ACOXL: variants seen among roughly 807,000 people sequenced by gnomAD.
The protein encoded by ACOXL is acyl-coenzyme A oxidase-like protein.
In ACOXL, 70 loss-of-function variants were observed where a neutral mutation model predicts 71.9. The observed-to-expected ratio is 0.97, with a 90% CI of 0.80 to 1.19. The LOEUF is 1.19. Ranked by LOEUF, ACOXL falls within the 50% of genes most tolerant of loss-of-function variation. The pLI is 0.00. For synonymous variants in ACOXL, 253 were observed against 281.6 expected (o/e 0.90, Z 1.02); for missense variants, 703 against 736.3 (o/e 0.95, Z 0.52).
intron 13 of ACOXL, among the ~76,000 whole-genome samples, chr2:110,994,835 C>G (rs2063319704): frequency 6.6e-6 from 1 of 152,126 alleles, no homozygotes; most frequent in Non-Finnish European, 1.5e-5. Context: ...TCACTTCCCT[C>G]CAGGGTGCCT....
chr2:111,006,814 C>T (rs2063899300), intron 14 of ACOXL, among the ~76,000 whole-genome samples: 1 of 152,122 alleles, frequency 6.6e-6, no homozygotes, highest in African/African-American at 2.4e-5. Context: ...CCTCCTCAGC[C>T]TCCCAAAGTG....
chr2:110,791,474 T>G (rs973229164), intron 3 of ACOXL, among the ~76,000 whole-genome samples: 3 of 152,226 alleles, frequency 2.0e-5, no homozygotes, highest in African/African-American at 7.2e-5. Context: ...GAAAAATATT[T>G]TTTTAAACTT....
intron 17 of ACOXL, among the ~76,000 whole-genome samples, chr2:111,097,197 T>TTCAAA (rs2068852074): frequency 6.6e-6 from 1 of 152,250 alleles, no homozygotes; most frequent in Non-Finnish European, 1.5e-5. Flanking sequence ...CTGTATTTTC[T>TTCAAA]TCAAATATTT....
intron 14 of ACOXL, among the ~76,000 whole-genome samples, chr2:111,030,794 A>C (rs1412655289): frequency 6.6e-6 from 1 of 152,132 alleles, no homozygotes; most frequent in Non-Finnish European, 1.5e-5. Context: ...AAAGAAAGTC[A>C]AGAAGGAACA....
intron 16 of ACOXL, among the ~76,000 whole-genome samples, chr2:111,082,783 C>T (rs527414884): frequency 4.6e-5 from 7 of 152,212 alleles, no homozygotes; most frequent in African/African-American, 1.7e-4. Context: ...TGGAACCAAC[C>T]CAAATGCCCA....
intron 1 of ACOXL, among the ~76,000 whole-genome samples, chr2:110,759,526 A>G (rs1035630155): frequency 2.6e-5 from 4 of 152,094 alleles, no homozygotes; most frequent in African/African-American, 9.7e-5. Context: ...TTTGCTCGGT[A>G]AATTTTTCTT....
At chr2:110,938,314 C>T (rs746607795) in intron 12 of ACOXL, among the ~76,000 whole-genome samples, 12 of 152,084 alleles carry the variant, frequency 7.9e-5, no homozygotes, top group East Asian at 1.9e-4. Context: ...AGGGAAAAAG[C>T]GGGAACCAGA....
At position 111,095,177 on chromosome 2, in the gene ACOXL, A is replaced by G. The variant is rs565536943; in HGVS notation, c.1542+2211A>G. ...CTATCTTTGAAGACTATTTCCCACA[A>G]AGAGAGTGCCCACTTTGGGAAGATG... On this transcript the variant is annotated intron_variant, in intron 17 of 17. Coordinates refer to ENST00000439055, the MANE Select transcript of ACOXL (RefSeq NM_001142807.4). Among the ~76,000 whole-genome samples the G allele has an allele frequency of 4.6e-5, 7 of 151,806 alleles. No individual in the cohort carries two copies. The South Asian group carries it at 1.5e-3, about 32-fold the overall frequency.
chr2:110,959,256 A>G (rs1443399041), intron 12 of ACOXL, among the ~76,000 whole-genome samples: 1 of 152,154 alleles, frequency 6.6e-6, no homozygotes, highest in South Asian at 2.1e-4. Flanking sequence ...GCCCTGCACC[A>G]TGAACCCCAG....
intron 12 of ACOXL, among the ~76,000 whole-genome samples, chr2:110,962,136 C>T (rs2149450450): frequency 6.6e-6 from 1 of 152,316 alleles, no homozygotes; most frequent in African/African-American, 2.4e-5. Context: ...GCCTTCTTCA[C>T]AGGGCTGTTG....
chr2:110,956,971 G>A (rs2061524633), intron 12 of ACOXL, among the ~76,000 whole-genome samples: 1 of 152,178 alleles, frequency 6.6e-6, no homozygotes, highest in African/African-American at 2.4e-5. Flanking sequence ...TACCGAGTGA[G>A]CTCTTGCTTC....
At chr2:110,740,140 C>T (rs1677336829) in intron 1 of ACOXL, among the ~76,000 whole-genome samples, 1 of 152,198 alleles carries the variant, frequency 6.6e-6, no homozygotes, top group Non-Finnish European at 1.5e-5. Flanking sequence ...AGGGAGTACC[C>T]TCGTATTCAT....
chr2:110,937,936 C>T (rs541557882), intron 12 of ACOXL, among the ~76,000 whole-genome samples: 1 of 152,286 alleles, frequency 6.6e-6, no homozygotes, highest in East Asian at 1.9e-4. Flanking sequence ...CACATAGACT[C>T]AGGAAGTAGG....
At chr2:110,919,126 G>A (rs2059971147) in intron 11 of ACOXL, among the ~76,000 whole-genome samples, 1 of 151,968 alleles carries the variant, frequency 6.6e-6, no homozygotes, top group Non-Finnish European at 1.5e-5. Context: ...GTTACAGCAT[G>A]TTCACAATAT....
At chr2:110,828,426 C>T (rs778541744) in intron 9 of ACOXL, among the ~76,000 whole-genome samples, 3 of 152,152 alleles carry the variant, frequency 2.0e-5, no homozygotes, top group Non-Finnish European at 2.9e-5. Flanking sequence ...TAATACATGT[C>T]GTCAAATTGT....
intron 1 of ACOXL, among the ~76,000 whole-genome samples, chr2:110,735,947 C>T (rs1676780966): frequency 6.6e-6 from 1 of 151,730 alleles, no homozygotes; most frequent in South Asian, 2.1e-4. Flanking sequence ...ACTGAGAAAG[C>T]CCCCCCATAG....
At chr2:111,075,536 C>T (rs1216180038) in intron 16 of ACOXL, among the ~76,000 whole-genome samples, 1 of 151,832 alleles carries the variant, frequency 6.6e-6, no homozygotes, top group Non-Finnish European at 1.5e-5. Flanking sequence ...TTTACTTTTA[C>T]ATTTATTTTT....
intron 14 of ACOXL, among the ~76,000 whole-genome samples, chr2:110,999,696 A>G (rs984320932): frequency 6.6e-6 from 1 of 152,116 alleles, no homozygotes; most frequent in African/African-American, 2.4e-5. Context: ...TTTATCTCTA[A>G]TCACTCTGGG....
chr2:110,975,621 A>G (rs1393982738), intron 12 of ACOXL, among the ~76,000 whole-genome samples: 1 of 152,176 alleles, frequency 6.6e-6, no homozygotes, highest in Non-Finnish European at 1.5e-5. Context: ...CAACAGCGTG[A>G]AAAAGAAGGA....
Sources: allele counts gnomAD v4.1 joint callset (sites outside exome capture counted in the v4.1 genomes callset), GRCh38; gene constraint gnomAD v4.1.1; transcripts MANE v1.5; gene names NCBI Gene and HGNC (gene_info 2026-07-23, HGNC 2026-07-21).